Variants in WASHC3 observed in about 807,000 individuals in gnomAD.
WASHC3 encodes WASH complex subunit CCDC53.
A neutral mutation model predicts 26.1 loss-of-function variants in WASHC3; 24 were observed. The observed-to-expected ratio is 0.92, with a 90% CI of 0.66 to 1.29. The LOEUF is 1.29. Ranked by LOEUF, WASHC3 falls within the 50% of genes most tolerant of loss-of-function variation. WASHC3 has a pLI of 0.00. For missense variants in WASHC3, 214 were observed against 229.6 expected (o/e 0.93, Z 0.44); for synonymous variants, 77 against 75.7 (o/e 1.02, Z -0.09).
intron 2 of WASHC3, among the ~76,000 whole-genome samples, chr12:102,046,937 G>A (rs1565819237): frequency 1.3e-5 from 2 of 152,052 alleles, no homozygotes; most frequent in African/African-American, 4.8e-5. Flanking sequence ...AAAATAAAGG[G>A]GAATGGAATT....
At chr12:102,045,816 AT>A (rs2040863752) in intron 3 of WASHC3, among the ~76,000 whole-genome samples, 1 of 152,270 alleles carries the variant, frequency 6.6e-6, no homozygotes, top group East Asian at 1.9e-4. Context: ...TACTCGCATT[AT>A]GCGTTTGCCT....
Position 102,061,974 on chromosome 12 carries a change from G to A in WASHC3, c.-12C>T, listed in dbSNP as rs1362893646. 3.8e-5 allele frequency: 61 copies of A among 1,591,782 alleles called. No homozygotes were observed. The highest frequency in any genetic ancestry group is 4.8e-5 in the Non-Finnish European group (56 of 1,168,052). On this transcript the variant is annotated 5_prime_UTR_variant, in exon 1 of 7. Coordinates refer to ENST00000240079, the MANE Select transcript of WASHC3 (RefSeq NM_016053.4). ...CCGTCCTCATCCATCTCCTCAGCGG[G>A]CGGTGGACCCCGAGTTCACCCACAA...
intron 6 of WASHC3, among the ~76,000 whole-genome samples, chr12:102,021,006 C>T (rs367803137): frequency 2.0e-4 from 30 of 152,190 alleles, no homozygotes; most frequent in African/African-American, 5.5e-4. Context: ...CGCTTGAACC[C>T]GGGAGGCAGA....
rs1477534668 is a variant in WASHC3 at position 102,061,982 on chromosome 12, C to A, written c.-20G>T. Reference sequence around the variant, plus strand: ...ATCCATCTCCTCAGCGGGCGGTGGACCCCGAGTTCACCCACAAACCCCTCC... The same window carrying A: ...ATCCATCTCCTCAGCGGGCGGTGGAACCCGAGTTCACCCACAAACCCCTCC... On this transcript the variant is annotated 5_prime_UTR_variant, in exon 1 of 7. Coordinates refer to ENST00000240079, the MANE Select transcript of WASHC3 (RefSeq NM_016053.4). 1.1e-5 allele frequency: 17 copies of A among 1,586,302 alleles called. No homozygotes were observed. The highest frequency in any genetic ancestry group is 1.4e-5 in the Non-Finnish European group (16 of 1,164,852).
At chr12:102,041,896 C>T (rs1043956787) in intron 4 of WASHC3, among the ~76,000 whole-genome samples, 11 of 151,830 alleles carry the variant, frequency 7.2e-5, no homozygotes, top group Non-Finnish European at 2.9e-5. Context: ...TCTGAATTTG[C>T]AAAGCAAATT....
intron 5 of WASHC3, among the ~76,000 whole-genome samples, chr12:102,037,287 C>A (rs1877705126): frequency 6.6e-6 from 1 of 152,120 alleles, no homozygotes; most frequent in Non-Finnish European, 1.5e-5. Context: ...ACAAAAAAAT[C>A]CCCTTTGCTT....
intron 5 of WASHC3, among the ~76,000 whole-genome samples, chr12:102,037,056 A>C (rs1375578671): frequency 6.6e-6 from 1 of 152,212 alleles, no homozygotes; most frequent in African/African-American, 2.4e-5. Flanking sequence ...CAAAATACAT[A>C]TGCTGTATGT....
intron 5 of WASHC3, among the ~76,000 whole-genome samples, chr12:102,030,529 A>T (rs534783822): frequency 3.3e-5 from 5 of 152,006 alleles, no homozygotes; most frequent in Non-Finnish European, 7.4e-5. Flanking sequence ...CGGCTACCTA[A>T]AAAAAATGGA....
chr12:102,025,616 C>A lies in WASHC3; in HGVS notation c.500+358G>T, dbSNP rs752729277. 1.0e-3 allele frequency among the ~76,000 whole-genome samples: 139 copies of A among 139,046 alleles called. 1 individual carries two copies. Among genetic ancestry groups the A allele is most frequent in the Middle Eastern group, 4.3e-3 (1 of 232 alleles). 91.2% of individuals were successfully genotyped at this position (139,046 alleles called of 152,430 possible). ...CCCTGGTACATAATAATCACCCCCC[C>A]ACCAAAAAAGCACAAACCAACAAAT... is the stretch of plus-strand genomic sequence containing the variant. On this transcript the variant is annotated intron_variant, in intron 6 of 6. Transcript: ENST00000240079.
chr12:102,053,591 A>T (rs1878476879), intron 2 of WASHC3, among the ~76,000 whole-genome samples: 1 of 152,218 alleles, frequency 6.6e-6, no homozygotes, highest in Admixed American at 6.5e-5. Context: ...GAAACAAATC[A>T]CCAGTAACTG....
chr12:102,062,009 A>G, upstream of WASHC3: 1 of 1,513,550 alleles, frequency 6.6e-7, no homozygotes. Context: ...AACCCCTCCC[A>G]GATGGGGCCC....
At chr12:102,045,119 A>C (rs1878106067) in intron 3 of WASHC3, among the ~76,000 whole-genome samples, 1 of 152,148 alleles carries the variant, frequency 6.6e-6, no homozygotes, top group Non-Finnish European at 1.5e-5. Flanking sequence ...AAAAAAACCA[A>C]TGGTAATAAG....
At chr12:102,062,020 G>C, upstream of WASHC3, 10 of 1,435,014 alleles carry the variant, frequency 7.0e-6, no homozygotes, top group South Asian at 1.2e-4. Flanking sequence ...GATGGGGCCC[G>C]CCCAACCCGG....
At chr12:102,034,355 GTC>G (rs1012994350) in intron 5 of WASHC3, among the ~76,000 whole-genome samples, 1 of 152,016 alleles carries the variant, frequency 6.6e-6, no homozygotes, top group African/African-American at 2.4e-5. Context: ...ATTATAATAG[GTC>G]TCTCGTGATT....
intron 2 of WASHC3, among the ~76,000 whole-genome samples, chr12:102,051,911 T>C (rs1422256725): frequency 1.3e-5 from 2 of 152,194 alleles, no homozygotes; most frequent in Non-Finnish European, 2.9e-5. Flanking sequence ...TGTTATCTCA[T>C]TGAGCAGTCT....
chr12:102,055,635 G>A (rs999923920), intron 2 of WASHC3, among the ~76,000 whole-genome samples: 8 of 152,180 alleles, frequency 5.3e-5, no homozygotes, highest in Non-Finnish European at 1.0e-4. Context: ...GGGCCACCGT[G>A]CCCCACCCAT....
upstream of WASHC3, chr12:102,062,029 G>A (rs191420002): frequency 3.2e-5 from 44 of 1,378,810 alleles, no homozygotes; most frequent in Non-Finnish European, 2.0e-6. Flanking sequence ...CGCCCAACCC[G>A]GTAATCACGT....
rs557938047 is a variant in WASHC3, at chr12:102,032,603, A to AG, written c.436-6566dup. 2.9e-3 allele frequency among the ~76,000 whole-genome samples: 436 copies of AG among 152,298 alleles called. 1 individual carries two copies. The highest frequency in any genetic ancestry group is 0.01 in the African/African-American group (418 of 41,572). On this transcript the variant is annotated intron_variant, in intron 5 of 6. Transcript: ENST00000240079. The stretch of plus-strand genomic sequence containing the variant: ...AAAACTTGGTTAAAAAGGAAAAAAA[A>AG]GTCAGAAAATGCCAGCAGGTGTTCC...
Position 102,039,945 on chromosome 12 carries a change from T to C in WASHC3, c.358A>G (p.Ser120Gly). The C allele has an allele frequency of 6.3e-7, 1 of 1,599,582 alleles. No homozygotes were observed. The highest frequency in any genetic ancestry group is 1.1e-5 in the South Asian group (1 of 90,684). ...AAGATATTTTCTGCTGATACTTCAC[T>C]TTCCTGTAGTCCAGAGTCTTGTGTA... ...NSTQDSGLQE[S>G]EVSAENILTV... The change falls in exon 5 of 7, where the codon AGT becomes GGT. Residue 120 changes from serine to glycine, a missense_variant. By Grantham distance (56) the Ser-to-Gly change is moderately conservative (BLOSUM62 0). Coordinates refer to ENST00000240079, the MANE Select transcript of WASHC3 (RefSeq NM_016053.4).
Sources: allele counts gnomAD v4.1 joint callset (sites outside exome capture counted in the v4.1 genomes callset), GRCh38; gene constraint gnomAD v4.1.1; transcripts MANE v1.5; gene names NCBI Gene and HGNC (gene_info 2026-07-23, HGNC 2026-07-21).